Variants in DPP6 observed in about 807,000 individuals in gnomAD.
DPP6 encodes the protein dipeptidyl peptidase like 6.
Under a neutral mutation model 122.6 loss-of-function variants are expected in DPP6, and 69 were observed. The observed-to-expected ratio is 0.56, with a 90% CI of 0.46 to 0.69. DPP6 has a LOEUF of 0.69. DPP6 is among the 30% of genes least tolerant of loss of function. The pLI is 0.00. For synonymous variants in DPP6, 418 were observed against 433.1 expected (o/e 0.97, Z 0.43); for missense variants, 928 against 1,116.9 (o/e 0.83, Z 2.41).
At chr7:153,877,410 A>G in the DPP6 span, among the ~76,000 whole-genome samples, 1 of 152,182 alleles carries the variant, frequency 6.6e-6, no homozygotes, top group African/African-American at 2.4e-5. Context: ...AACATTATGT[A>G]CCATACATAA....
intron 4 of DPP6, among the ~76,000 whole-genome samples, chr7:154,562,410 A>G (rs1438801596): frequency 2.0e-5 from 3 of 152,188 alleles, no homozygotes; most frequent in African/African-American, 4.8e-5. Context: ...ATTCATTATA[A>G]AAACTCTGAG....
At chr7:154,786,681 A>G (rs1026938699) in intron 10 of DPP6, among the ~76,000 whole-genome samples, 3 of 152,202 alleles carry the variant, frequency 2.0e-5, no homozygotes, top group Admixed American at 2.0e-4. Flanking sequence ...ACCCAGTCTC[A>G]GGCAGTTCTT....
intron 1 of DPP6, among the ~76,000 whole-genome samples, chr7:154,432,019 ACCCTCCACTT>A: frequency 6.6e-6 from 1 of 151,782 alleles, no homozygotes; most frequent in South Asian, 2.1e-4. Context: ...TGGCCTCTCC[ACCCTCCACTT>A]CCCTTGGAAG....
chr7:153,818,717 A>G, the DPP6 span, among the ~76,000 whole-genome samples: 7 of 151,632 alleles, frequency 4.6e-5, no homozygotes, highest in African/African-American at 1.7e-4. Flanking sequence ...CAGGGAGGGA[A>G]GAAAAAGCAA....
At chr7:154,366,829 A>G (rs1812231953) in intron 1 of DPP6, among the ~76,000 whole-genome samples, 1 of 152,222 alleles carries the variant, frequency 6.6e-6, no homozygotes, top group Admixed American at 6.5e-5. Context: ...AGATTTGCCC[A>G]AGTCCCAATA....
chr7:154,595,882 A>G (rs1322111259), intron 5 of DPP6, among the ~76,000 whole-genome samples: 1 of 152,108 alleles, frequency 6.6e-6, no homozygotes, highest in Non-Finnish European at 1.5e-5. Flanking sequence ...AACATGGTGA[A>G]ACCCTGTTTC....
Position 153,953,814 on chromosome 7 carries a change from C to T in DPP6, c.51+66080C>T, listed in dbSNP as rs957331235. ...GAAACAGGATAGATGAGTGCATGTG[C>T]GTCTACAGGCACACATACAAAGACA... On this transcript the variant is annotated intron_variant, in intron 1 of 25. Transcript: ENST00000404039. Among the ~76,000 whole-genome samples, 5 of 152,294 alleles carry T rather than the reference C, an allele frequency of 3.3e-5. No homozygotes were observed. In the South Asian group the frequency reaches 8.3e-4, roughly 25 times the overall value.
chr7:154,007,669 C>T (rs1361679898), intron 1 of DPP6, among the ~76,000 whole-genome samples: 1 of 152,076 alleles, frequency 6.6e-6, no homozygotes, highest in Non-Finnish European at 1.5e-5. Flanking sequence ...CTTTTTTAGA[C>T]AACGCTCCCT....
chr7:154,244,365 C>T (rs1044389453), intron 1 of DPP6, among the ~76,000 whole-genome samples: 3 of 152,080 alleles, frequency 2.0e-5, no homozygotes, highest in Non-Finnish European at 2.9e-5. Context: ...TAAGAGTCAG[C>T]AGACCTATAC....
chr7:154,507,435 C>A (rs187009632), intron 3 of DPP6, among the ~76,000 whole-genome samples: 108 of 152,254 alleles, frequency 7.1e-4, no homozygotes, highest in African/African-American at 2.3e-3. Context: ...TCTCCCTCCC[C>A]TTGCTCCCCG....
intron 1 of DPP6, among the ~76,000 whole-genome samples, chr7:153,895,746 A>G (rs1359948533): frequency 6.6e-6 from 1 of 152,096 alleles, no homozygotes; most frequent in Non-Finnish European, 1.5e-5. Context: ...ACACACACAC[A>G]CACACACACA....
intron 1 of DPP6, chr7:154,026,795 C>T (rs1223218836): frequency 6.6e-6 from 1 of 152,172 alleles, no homozygotes; most frequent in Non-Finnish European, 1.5e-5. Context: ...TTATTATAAA[C>T]TTTGCCTCCA....
intron 16 of DPP6, among the ~76,000 whole-genome samples, chr7:154,834,311 C>CGAAAA (rs774491555): frequency 7.4e-6 from 1 of 134,566 alleles, no homozygotes; most frequent in East Asian, 2.2e-4. Context: ...CTACTAAATA[C>CGAAAA]AAAAAAAAAA....
At chr7:154,309,326 C>T (rs1208313449) in intron 1 of DPP6, among the ~76,000 whole-genome samples, 1 of 152,116 alleles carries the variant, frequency 6.6e-6, no homozygotes, top group Non-Finnish European at 1.5e-5. Flanking sequence ...GATAACTCCC[C>T]ATGTGTCTGT....
intron 1 of DPP6, among the ~76,000 whole-genome samples, chr7:154,189,007 A>G (rs1293544158): frequency 1.3e-5 from 2 of 152,174 alleles, no homozygotes; most frequent in Non-Finnish European, 2.9e-5. Flanking sequence ...GAGAGAAACA[A>G]TAGCCTGGGT....
At chr7:154,562,499 G>A in intron 4 of DPP6, among the ~76,000 whole-genome samples, 1 of 152,154 alleles carries the variant, frequency 6.6e-6, no homozygotes, top group East Asian at 1.9e-4. Context: ...ATACTTAATG[G>A]AGAAGAATGA....
At chr7:154,554,972 C>G (rs1829909522) in intron 4 of DPP6, among the ~76,000 whole-genome samples, 1 of 152,126 alleles carries the variant, frequency 6.6e-6, no homozygotes, top group South Asian at 2.1e-4. Flanking sequence ...TAATAAAAAT[C>G]CTTGCTAATG....
intron 3 of DPP6, among the ~76,000 whole-genome samples, chr7:154,482,046 T>C (rs552283614): frequency 6.6e-6 from 1 of 152,358 alleles, no homozygotes; most frequent in South Asian, 2.1e-4. Context: ...TACAAGCATG[T>C]GATTTCACAT....
chr7:153,755,177 G>T, the DPP6 span, among the ~76,000 whole-genome samples: 1 of 151,126 alleles, frequency 6.6e-6, no homozygotes, highest in African/African-American at 2.4e-5. Context: ...GAACACTTAA[G>T]TTGGATGGCA....
Sources: gnomAD v4.1 joint callset for allele counts (sites outside exome capture counted in the v4.1 genomes callset) on GRCh38, gnomAD v4.1.1 for gene constraint, MANE v1.5 for transcripts, NCBI Gene and HGNC (gene_info 2026-07-23, HGNC 2026-07-21) for gene names.